Variants in AGAP2 observed in about 807,000 individuals in gnomAD.
AGAP2 encodes ArfGAP with GTPase domain, ankyrin repeat and PH domain 2.
Under a neutral mutation model 110.9 loss-of-function variants are expected in AGAP2, and 32 were observed. The ratio of observed to expected loss-of-function variants is 0.29; its 90% CI spans 0.22 to 0.39. The LOEUF (loss-of-function observed/expected upper bound fraction) is 0.39. Among genes scored for constraint, AGAP2 ranks in the 10% least tolerant of loss-of-function variants. The pLI, the probability that AGAP2 is intolerant of heterozygous loss-of-function variation, is 1.00. For missense variants in AGAP2, 1,285 were observed against 1,638.5 expected (o/e 0.78, Z 3.72); for synonymous variants, 702 against 713.0 (o/e 0.98, Z 0.25).
In AGAP2 at chr12:57,734,404, C is replaced by T. The variant is rs762547492; in HGVS notation, c.1316G>A (p.Ser439Asn). 1 of 1,614,176 alleles carries T rather than the reference C, an allele frequency of 6.2e-7. No individual in the cohort carries two copies. Among genetic ancestry groups the T allele is most frequent in the Admixed American group, 1.7e-5 (1 of 60,022 alleles). Residue 439 changes from serine (S) to asparagine (N), a missense_variant and splice_region_variant, in exon 4 of 19, where the codon AGT becomes AAT. Coordinates refer to ENST00000547588, the MANE Select transcript of AGAP2 (RefSeq NM_001122772.3). ...CAACATTTCTTTCTTGTACTGCTCA[C>T]CTGTCCAGAAGAGTTGGAAGGGGTA... ...GSYQVLEKTE[S>N]EQYKKEMLVD...
intron 14 of AGAP2, 80 bp downstream of exon 14, chr12:57,728,238 A>G (rs1032492058): frequency 1.5e-5 from 23 of 1,552,252 alleles, no homozygotes; most frequent in Middle Eastern, 1.8e-4. Flanking sequence ...AGGAAGCCCG[A>G]GCACATGCAG....
At position 57,734,721 on chromosome 12, in the gene AGAP2, G is replaced by A. The variant is rs370799310; in HGVS notation, c.1228-42C>T. 10 of 1,590,934 alleles carry A rather than the reference G, an allele frequency of 6.3e-6. No homozygotes were observed. In the African/African-American group the frequency reaches 1.3e-4, roughly 21 times the overall value. ...GGAGCAGAAATTGTGGGATATAAGA[G>A]AAGGCAGGATGCATGGGTCTGGACA... On this transcript the variant is annotated intron_variant, in intron 2 of 18. Coordinates refer to ENST00000547588, the MANE Select transcript of AGAP2 (RefSeq NM_001122772.3).
Position 57,736,953 on chromosome 12 carries a change from T to G in AGAP2, c.1168+126A>C, listed in dbSNP as rs567985985. ...TTTGCCCCAATCCTTGACAGAGGGG[T>G]GAGCTTGGTTCATCCGCCCACCCCA... is the stretch of plus-strand genomic sequence containing the variant. On this transcript the variant is annotated intron_variant, in intron 1 of 18. Coordinates refer to ENST00000547588, the MANE Select transcript of AGAP2 (RefSeq NM_001122772.3). 5 of 1,428,394 alleles carry G rather than the reference T, an allele frequency of 3.5e-6. 1 individual carries two copies. The East Asian group carries it at 1.3e-4, about 36-fold the overall frequency. The allele number at this position is 1,428,394 out of a possible 1,614,324, so 88.5% of individuals were successfully genotyped here. A position where few individuals can be genotyped will look rare whatever the true frequency, so the allele number is the denominator to read the frequency against.
chr12:57,731,004 G>A, intron 10 of AGAP2, 51 bp from the exon 11 acceptor site: 2 of 1,462,100 alleles, frequency 1.4e-6, no homozygotes, highest in South Asian at 2.8e-5. Context: ...TCCTTGGTAT[G>A]CTGGGAAGCA....
chr12:57,726,489 G>A lies in AGAP2; in HGVS notation c.*63C>T. On this transcript the variant is annotated 3_prime_UTR_variant, in exon 19 of 19. Coordinates refer to ENST00000547588, the MANE Select transcript of AGAP2 (RefSeq NM_001122772.3). This position sits in a 1 kb window ranked among gnomAD's most constrained non-coding sequence, Gnocchi z 5.7. ...AGGTGAGTGGGTGCGTCTGTCCAGC[G>A]GTCCGCCCGGTGTGGTCGTGCCCGG... 1 of 1,156,614 alleles carries A rather than the reference G, an allele frequency of 8.6e-7. No individual in the cohort carries two copies. Among genetic ancestry groups the A allele is most frequent in the Non-Finnish European group, 1.1e-6 (1 of 938,456 alleles). 71.6% of individuals were successfully genotyped at this position (1,156,614 alleles called of 1,614,324 possible).
At position 57,727,663 on chromosome 12, in the gene AGAP2, C is replaced by T; in HGVS notation, c.2857+18G>A. 1 of 1,599,836 alleles carries T rather than the reference C, an allele frequency of 6.3e-7. No individual in the cohort carries two copies. ...TTCACTACACTCCCTAGCCCCTCCG[C>T]TGCCTCCTGGCACTCACTGGGGGCC... is the stretch of plus-strand genomic sequence containing the variant. On this transcript the variant is annotated intron_variant, in intron 16 of 18. Coordinates refer to ENST00000547588, the MANE Select transcript of AGAP2 (RefSeq NM_001122772.3).
chr12:57,732,560 A>G lies in AGAP2; in HGVS notation c.1685-48T>C, dbSNP rs1025704900. ...GGTGTGAGCAGGCCAGATACCCAAG[A>G]CCACCCTTCCATGCCCAGCTTTGAG... On this transcript the variant is annotated intron_variant, in intron 6 of 18. Transcript: ENST00000547588. 3 of 1,509,596 alleles carry G rather than the reference A, an allele frequency of 2.0e-6. No homozygotes were observed. In the African/African-American group the frequency reaches 4.1e-5, roughly 21 times the overall value. The allele number at this position is 1,509,596 out of a possible 1,614,324, so 93.5% of individuals were successfully genotyped here. A position where few individuals can be genotyped will look rare whatever the true frequency, so the allele number is the denominator to read the frequency against.
upstream of AGAP2, among the ~76,000 whole-genome samples, chr12:57,739,008 C>G (rs1049118051): frequency 4.0e-5 from 6 of 150,302 alleles, no homozygotes; most frequent in Non-Finnish European, 7.4e-5. Flanking sequence ...ATCTCCCCCC[C>G]ACCTTTTCTC....
rs539366345 is a variant in AGAP2, at chr12:57,738,098, C to T, written c.149G>A (p.Gly50Glu). ...CGCGCCTCGGGGGCTGCCAGGATCC[C>T]CAGTCTCGGAGCCTCTGGCACCGGC... The part of the protein sequence containing the change: ...GAAGARGSET[G>E]DPGSPRGAEE... The change falls in exon 1 of 19, where the codon GGG becomes GAG. Residue 50 changes from glycine to glutamate, a missense_variant. By Grantham distance (98) the Gly-to-Glu change is moderately conservative (BLOSUM62 -2). This residue lies in a region of AGAP2 where 844 missense variants were observed against 941.2 expected (regional missense o/e 0.90). Coordinates refer to ENST00000547588, the MANE Select transcript of AGAP2 (RefSeq NM_001122772.3). The surrounding 1 kb of genome is among the most constrained non-coding windows in gnomAD (Gnocchi z 6.7). 9.4e-5 allele frequency: 143 copies of T among 1,524,094 alleles called. No individual in the cohort carries two copies. The African/African-American group carries it at 1.8e-3, about 19-fold the overall frequency. The allele number at this position is 1,524,094 out of a possible 1,614,324, so 94.4% of individuals were successfully genotyped here.
At chr12:57,742,011 C>A, upstream of AGAP2, 1 of 1,614,156 alleles carries the variant, frequency 6.2e-7, no homozygotes, top group South Asian at 1.1e-5. Context: ...TGCTTGGCCA[C>A]CTCATGTCGT....
At chr12:57,729,181 A>G (rs1382338106) in intron 13 of AGAP2, among the ~76,000 whole-genome samples, 1 of 150,894 alleles carries the variant, frequency 6.6e-6, no homozygotes, top group Non-Finnish European at 1.5e-5. Context: ...ATCTCAAAAA[A>G]AAAAAAAAAA....
intron 11 of AGAP2, 67 bp downstream of exon 11, chr12:57,730,724 C>T: frequency 6.2e-7 from 1 of 1,609,424 alleles, no homozygotes; most frequent in Non-Finnish European, 8.5e-7. Flanking sequence ...GCCCCCTCTT[C>T]CCTCTTACCC....
upstream of AGAP2, chr12:57,739,817 C>T (rs1277607553): frequency 6.6e-6 from 1 of 152,222 alleles, no homozygotes; most frequent in Non-Finnish European, 1.5e-5. Context: ...GAGCCGGCCT[C>T]TTCAGGGTTC....
Position 57,738,402 on chromosome 12 carries a change from C to G in AGAP2, c.-156G>C, listed in dbSNP as rs890912622. 6.5e-6 allele frequency: 5 copies of G among 769,360 alleles called. No homozygotes were observed. The highest frequency in any genetic ancestry group is 7.9e-6 in the Non-Finnish European group (5 of 632,588). The allele number at this position is 769,360 out of a possible 1,614,324, so 47.7% of individuals were successfully genotyped here. A position where few individuals can be genotyped will look rare whatever the true frequency, so the allele number is the denominator to read the frequency against. On this transcript the variant is annotated 5_prime_UTR_variant, in exon 1 of 19. Coordinates refer to ENST00000547588, the MANE Select transcript of AGAP2 (RefSeq NM_001122772.3). This position sits in a 1 kb window ranked among gnomAD's most constrained non-coding sequence, Gnocchi z 6.7. ...GCTGTCGCCGCCGCCTCCGCCGCCTCCGCTTGCGCCCCCCTCCCATCACAT... is the reference window on the plus strand; with the variant it reads ...GCTGTCGCCGCCGCCTCCGCCGCCTGCGCTTGCGCCCCCCTCCCATCACAT...
At chr12:57,727,631 C>T in intron 16 of AGAP2, 49 bp from the exon 17 acceptor site, 20 of 1,590,108 alleles carry the variant, frequency 1.3e-5, no homozygotes, top group Non-Finnish European at 1.6e-5. Context: ...GCACAGGCAC[C>T]CCGGCATTCA....
chr12:57,726,774 G>T lies in AGAP2; in HGVS notation c.3357C>A (p.Ala1119=). The change falls in exon 19 of 19, where the codon GCC becomes GCA. Residue 1119 remains alanine (A), a synonymous_variant. Transcript: ENST00000547588. The surrounding 1 kb of genome is among the most constrained non-coding windows in gnomAD (Gnocchi z 5.7). The stretch of plus-strand genomic sequence containing the variant: ...GCGCCGTGCGGCCCTGGGCGTCACG[G>T]GCCGCCACGTCCGCGCCGTACTAGA... The part of the protein sequence containing the change: ...LLLWYGADVA[A]RDAQGRTALF... 7.3e-7 allele frequency: 1 copy of T among 1,361,280 alleles called. No individual in the cohort carries two copies. Among genetic ancestry groups the T allele is most frequent in the Non-Finnish European group, 9.4e-7 (1 of 1,061,990 alleles). The allele number at this position is 1,361,280 out of a possible 1,614,324, so 84.3% of individuals were successfully genotyped here.
At chr12:57,727,302 C>T (rs1223286583) in intron 17 of AGAP2, 58 bp downstream of exon 17, 1 of 1,609,016 alleles carries the variant, frequency 6.2e-7, no homozygotes, top group Admixed American at 1.7e-5. Context: ...CCCACGGGAC[C>T]GTCTCAGGTT....
intron 12 of AGAP2, 127 bp from the exon 13 acceptor site, chr12:57,729,894 A>C: frequency 7.5e-7 from 1 of 1,337,100 alleles, no homozygotes; most frequent in Non-Finnish European, 1.0e-6. Flanking sequence ...GTCCCTCTCC[A>C]GGAGTTCCCC....
rs1555197834 is a variant in AGAP2 at position 57,727,219 on chromosome 12, C to A, written c.3091G>T (p.Glu1031Ter). The change falls in exon 18 of 19, where the codon GAG becomes TAG. Residue 1031 changes from glutamate (E) to a stop codon, truncating the protein, a stop_gained. Transcript: ENST00000547588. LOFTEE classifies it high-confidence loss of function. ...PSRDSSREER[E>*]SWIRAKYEQL... ...TCGTACTTGGCGCGAATCCACGACT[C>A]GCGCTCCTCCCTGCAAGACCAGGGA... The A allele has an allele frequency of 6.2e-7, 1 of 1,612,322 alleles. No homozygotes were observed. The highest frequency in any genetic ancestry group is 1.1e-5 in the South Asian group (1 of 90,936).
Sources: allele counts gnomAD v4.1 joint callset (sites outside exome capture counted in the v4.1 genomes callset), GRCh38; gene constraint gnomAD v4.1.1; regional missense constraint gnomAD v4.1.1; non-coding constraint Gnocchi (gnomAD v3.1); transcripts MANE v1.5; gene names NCBI Gene and HGNC (gene_info 2026-07-23, HGNC 2026-07-21).